The following PHF21A variants were observed in gnomAD, a reference collection of about 807,000 sequenced individuals.
PHF21A encodes PHD finger protein 21A.
In PHF21A, 11 loss-of-function variants were observed where a neutral mutation model predicts 82.5. The ratio of observed to expected loss-of-function variants is 0.13; its 90% CI spans 0.08 to 0.22. The LOEUF (loss-of-function observed/expected upper bound fraction) is 0.22, where lower values mean the gene tolerates loss of function less well. PHF21A is among the 10% of genes least tolerant of loss of function. PHF21A has a pLI of 1.00. For synonymous variants in PHF21A, 297 were observed against 302.8 expected (o/e 0.98, Z 0.20); for missense variants, 579 against 837.8 (o/e 0.69, Z 3.81).
chr11:45,940,982 G>A (rs2090238742), intron 15 of PHF21A, among the ~76,000 whole-genome samples: 3 of 152,104 alleles, frequency 2.0e-5, no homozygotes, highest in Admixed American at 2.0e-4. Flanking sequence ...CTTCCTATCT[G>A]GTGTATATAC....
At chr11:46,091,323 C>T (rs1211306241) in intron 2 of PHF21A, among the ~76,000 whole-genome samples, 1 of 152,054 alleles carries the variant, frequency 6.6e-6, no homozygotes, top group Non-Finnish European at 1.5e-5. Flanking sequence ...TCATAATACA[C>T]ACTCTCCTAA....
At chr11:46,091,907 G>A (rs965277705) in intron 2 of PHF21A, among the ~76,000 whole-genome samples, 2 of 152,152 alleles carry the variant, frequency 1.3e-5, no homozygotes, top group Non-Finnish European at 2.9e-5. Flanking sequence ...CAGAACCATT[G>A]CATTAAGGAC....
At chr11:46,026,673 A>G (rs1459133833) in intron 6 of PHF21A, 3 of 152,202 alleles carry the variant, frequency 2.0e-5, no homozygotes. Flanking sequence ...TGGAATTAAC[A>G]TATGAGCAGA....
intron 15 of PHF21A, among the ~76,000 whole-genome samples, chr11:45,938,547 A>C (rs774340256): frequency 6.6e-6 from 1 of 152,170 alleles, no homozygotes; most frequent in Admixed American, 6.5e-5. Context: ...AATATGTTCC[A>C]AGACCCCTAG....
chr11:45,953,424 C>T (rs1163934475), intron 11 of PHF21A, 103 bp downstream of exon 11: 3 of 726,782 alleles, frequency 4.1e-6, no homozygotes, highest in Admixed American at 2.3e-5. Flanking sequence ...AGAAAATGAA[C>T]ATCGAGTTCA....
intron 11 of PHF21A, among the ~76,000 whole-genome samples, chr11:45,952,491 G>A (rs2092255648): frequency 6.6e-6 from 1 of 152,180 alleles, no homozygotes; most frequent in Non-Finnish European, 1.5e-5. Context: ...GGGAAATTTT[G>A]CTCAATTTTT....
chr11:45,936,750 G>A, intron 16 of PHF21A, 181 bp from the exon 17 acceptor site: 1 of 572,192 alleles, frequency 1.7e-6, no homozygotes, highest in East Asian at 3.0e-5. Flanking sequence ...ATCAGCTTAG[G>A]AGAATCAAGT....
intron 6 of PHF21A, among the ~76,000 whole-genome samples, chr11:46,002,581 T>C (rs2095168024): frequency 6.6e-6 from 1 of 152,142 alleles, no homozygotes; most frequent in Admixed American, 6.6e-5. Flanking sequence ...AAGTGCTGTA[T>C]ATTCAAACTT....
At chr11:46,018,206 C>T (rs926586386) in intron 6 of PHF21A, among the ~76,000 whole-genome samples, 13 of 148,182 alleles carry the variant, frequency 8.8e-5, no homozygotes, top group East Asian at 2.0e-4. Flanking sequence ...GCTGAGATTG[C>T]GCCACTGCAC....
intron 6 of PHF21A, among the ~76,000 whole-genome samples, chr11:46,071,432 T>C (rs1201231914): frequency 6.6e-6 from 1 of 152,206 alleles, no homozygotes; most frequent in African/African-American, 2.4e-5. Flanking sequence ...ACAGACCTAG[T>C]GTGAAAATAA....
intron 6 of PHF21A, among the ~76,000 whole-genome samples, chr11:46,034,360 T>C (rs956391438): frequency 1.3e-5 from 2 of 152,198 alleles, no homozygotes; most frequent in African/African-American, 4.8e-5. Context: ...TTGCTGTTTT[T>C]GCAATTTTGC....
chr11:45,948,106 G>A (rs1438150944), intron 14 of PHF21A, among the ~76,000 whole-genome samples: 6 of 152,156 alleles, frequency 3.9e-5, no homozygotes, highest in Non-Finnish European at 8.8e-5. Flanking sequence ...CTATAATTCA[G>A]GGACACATTA....
chr11:45,999,076 C>T (rs2095024957), intron 6 of PHF21A, among the ~76,000 whole-genome samples: 1 of 152,190 alleles, frequency 6.6e-6, no homozygotes, highest in Admixed American at 6.6e-5. Flanking sequence ...ATCTGCCCGC[C>T]TCAGCCTCCC....
chr11:45,983,027 A>T (rs1163850580), intron 6 of PHF21A, among the ~76,000 whole-genome samples: 3 of 152,238 alleles, frequency 2.0e-5, no homozygotes, highest in Non-Finnish European at 4.4e-5. Flanking sequence ...AACAAAGCCC[A>T]GAACCCATTT....
chr11:45,986,653 T>G (rs2094500097), intron 6 of PHF21A, among the ~76,000 whole-genome samples: 1 of 152,172 alleles, frequency 6.6e-6, no homozygotes, highest in South Asian at 2.1e-4. Flanking sequence ...CCGCCCTCCT[T>G]CCTTCAGAAA....
At chr11:46,032,835 G>A (rs2095895228) in intron 6 of PHF21A, among the ~76,000 whole-genome samples, 1 of 152,018 alleles carries the variant, frequency 6.6e-6, no homozygotes. Context: ...GGCCATTAAT[G>A]ATTTTAATAT....
chr11:45,988,866 G>C (rs2959098), intron 6 of PHF21A, among the ~76,000 whole-genome samples: 80,029 of 151,950 alleles, frequency 0.53, 23,305 homozygotes, highest in Non-Finnish European at 0.66. Context: ...ACTTCAGCCT[G>C]GGTGACAGAG....
intron 6 of PHF21A, among the ~76,000 whole-genome samples, chr11:46,025,297 T>C (rs1397953601): frequency 6.6e-6 from 1 of 152,230 alleles, no homozygotes; most frequent in African/African-American, 2.4e-5. Context: ...TTTCTTCTTT[T>C]CTCAAACTTA....
intron 10 of PHF21A, among the ~76,000 whole-genome samples, chr11:45,959,837 T>C (rs898235582): frequency 4.6e-5 from 7 of 152,146 alleles, no homozygotes; most frequent in Non-Finnish European, 1.0e-4. Context: ...AAAGAACTCT[T>C]ACAACTCAAC....
Sources: gnomAD v4.1 joint callset for allele counts (sites outside exome capture counted in the v4.1 genomes callset) on GRCh38, gnomAD v4.1.1 for gene constraint, MANE v1.5 for transcripts, NCBI Gene and HGNC (gene_info 2026-07-23, HGNC 2026-07-21) for gene names.